Variants in FBXL20 observed in about 807,000 individuals in gnomAD.
FBXL20 encodes F-box and leucine rich repeat protein 20, also known as F-box/LRR-repeat protein 20.
Under a neutral mutation model 64.0 loss-of-function variants are expected in FBXL20, and 11 were observed. That is an observed-to-expected ratio of 0.17 (90% CI 0.11 to 0.28). FBXL20 has a LOEUF of 0.28. Among genes scored for constraint, FBXL20 ranks in the 10% least tolerant of loss-of-function variants. The probability of loss-of-function intolerance (pLI) is 1.00; values close to 1 mark genes in which losing one functional copy is unlikely to be tolerated. For synonymous variants in FBXL20, 184 were observed against 189.0 expected (o/e 0.97, Z 0.22); for missense variants, 303 against 526.2 (o/e 0.58, Z 4.15).
intron 2 of FBXL20, among the ~76,000 whole-genome samples, chr17:39,332,231 A>G (rs1201155533): frequency 6.6e-6 from 1 of 152,368 alleles, no homozygotes; most frequent in East Asian, 1.9e-4. Context: ...TGAAATGAAT[A>G]TGAGATTGCA....
At chr17:39,354,812 T>C (rs1160617229) in intron 1 of FBXL20, among the ~76,000 whole-genome samples, 2 of 152,204 alleles carry the variant, frequency 1.3e-5, no homozygotes, top group Admixed American at 6.5e-5. Context: ...ACAGACTGAA[T>C]TATACTACAA....
At chr17:39,379,986 G>T (rs1465024955) in intron 1 of FBXL20, among the ~76,000 whole-genome samples, 3 of 151,678 alleles carry the variant, frequency 2.0e-5, no homozygotes, top group East Asian at 3.9e-4. Context: ...TCTCAACAAA[G>T]AAATTAGAAA....
intron 2 of FBXL20, among the ~76,000 whole-genome samples, chr17:39,335,317 G>A (rs2047509731): frequency 1.3e-5 from 2 of 151,680 alleles, no homozygotes; most frequent in South Asian, 2.1e-4. Flanking sequence ...CAGTCCTTTG[G>A]ATGTTAATCT....
At chr17:39,280,412 A>C (rs1195454760) in intron 9 of FBXL20, among the ~76,000 whole-genome samples, 2 of 150,776 alleles carry the variant, frequency 1.3e-5, no homozygotes, top group Non-Finnish European at 3.0e-5. Flanking sequence ...AAAAAAAAAA[A>C]AAAAAAAAAA....
At chr17:39,358,694 A>G (rs2047765429) in intron 1 of FBXL20, among the ~76,000 whole-genome samples, 1 of 152,048 alleles carries the variant, frequency 6.6e-6, no homozygotes, top group South Asian at 2.1e-4. Flanking sequence ...AAAAAAACAA[A>G]AAAACAAAAA....
chr17:39,402,045 G>T, upstream of FBXL20: 1 of 839,390 alleles, frequency 1.2e-6, no homozygotes, highest in Non-Finnish European at 1.6e-6. Context: ...GGGCAAACAG[G>T]CACGCACCTG....
At chr17:39,323,563 A>G (rs1021259183) in intron 2 of FBXL20, among the ~76,000 whole-genome samples, 1 of 141,350 alleles carries the variant, frequency 7.1e-6, no homozygotes, top group Non-Finnish European at 1.5e-5. Context: ...TCTTCTTTAC[A>G]ATCTAATTCC....
At chr17:39,317,784 C>G (rs1403195959) in intron 2 of FBXL20, among the ~76,000 whole-genome samples, 1 of 144,470 alleles carries the variant, frequency 6.9e-6, no homozygotes. Context: ...TCACTGCAAG[C>G]TCCTCCTCCC....
chr17:39,399,983 TTA>T (rs1416664920), intron 1 of FBXL20, among the ~76,000 whole-genome samples: 2 of 152,204 alleles, frequency 1.3e-5, no homozygotes, highest in Non-Finnish European at 2.9e-5. Flanking sequence ...TTCAGCAATT[TTA>T]GTGACATTCT....
intron 1 of FBXL20, among the ~76,000 whole-genome samples, chr17:39,343,758 T>C (rs945929383): frequency 6.6e-6 from 1 of 151,304 alleles, no homozygotes; most frequent in Non-Finnish European, 1.5e-5. Flanking sequence ...TACAGTGGCA[T>C]GATCTCAGCT....
intron 1 of FBXL20, among the ~76,000 whole-genome samples, chr17:39,380,004 A>G (rs1229355037): frequency 2.0e-5 from 3 of 152,080 alleles, no homozygotes; most frequent in East Asian, 3.9e-4. Context: ...AAATAAATAT[A>G]TATATATAAG....
chr17:39,392,108 G>A (rs944258445), intron 1 of FBXL20, among the ~76,000 whole-genome samples: 1 of 152,050 alleles, frequency 6.6e-6, no homozygotes, highest in Non-Finnish European at 1.5e-5. Context: ...CTGCACTCTA[G>A]CCCAGGCGAC....
intron 1 of FBXL20, among the ~76,000 whole-genome samples, chr17:39,362,375 G>GGACT (rs541908120): frequency 1.3e-3 from 192 of 152,326 alleles, no homozygotes; most frequent in African/African-American, 4.4e-3. Flanking sequence ...TGAGGTACGA[G>GGACT]GACTGCCTAA....
At chr17:39,319,678 A>C in intron 2 of FBXL20, among the ~76,000 whole-genome samples, 1 of 150,658 alleles carries the variant, frequency 6.6e-6, no homozygotes, top group Non-Finnish European at 1.5e-5. Context: ...CATATCAAAA[A>C]AAAAAAAAAA....
intron 1 of FBXL20, among the ~76,000 whole-genome samples, chr17:39,387,731 T>C (rs961617950): frequency 6.6e-6 from 1 of 151,924 alleles, no homozygotes; most frequent in African/African-American, 2.4e-5. Context: ...GTGTGCACCA[T>C]CATGCCCAGC....
chr17:39,307,551 A>C (rs1482654957), intron 2 of FBXL20, among the ~76,000 whole-genome samples: 2 of 152,214 alleles, frequency 1.3e-5, no homozygotes, highest in African/African-American at 4.8e-5. Flanking sequence ...TATCATTCTA[A>C]GTGTGTAAAT....
At chr17:39,397,743 T>C (rs1490213513) in intron 1 of FBXL20, among the ~76,000 whole-genome samples, 1 of 151,260 alleles carries the variant, frequency 6.6e-6, no homozygotes, top group African/African-American at 2.4e-5. Context: ...AGCCCAGCAG[T>C]AGCAAATACA....
chr17:39,373,897 T>G (rs1159598270), intron 1 of FBXL20, among the ~76,000 whole-genome samples: 1 of 152,186 alleles, frequency 6.6e-6, no homozygotes, highest in Admixed American at 6.6e-5. Flanking sequence ...TCAGGTAAGA[T>G]AAAGTCACAG....
intron 8 of FBXL20, among the ~76,000 whole-genome samples, chr17:39,282,455 G>T (rs2046956964): frequency 6.6e-6 from 1 of 152,142 alleles, no homozygotes; most frequent in Admixed American, 6.5e-5. Context: ...AAATTAAACT[G>T]CATGGAACTC....
Sources: gnomAD v4.1 joint callset for allele counts (sites outside exome capture counted in the v4.1 genomes callset) on GRCh38, gnomAD v4.1.1 for gene constraint, MANE v1.5 for transcripts, NCBI Gene and HGNC (gene_info 2026-07-23, HGNC 2026-07-21) for gene names.